The following CELF4 variants were observed in gnomAD, a reference collection of about 807,000 sequenced individuals.
The protein encoded by CELF4 is CUG-BP- and ETR-3-like factor 4.
Under a neutral mutation model 59.9 loss-of-function variants are expected in CELF4, and 18 were observed. The observed-to-expected ratio is 0.30, with a 90% CI of 0.21 to 0.45. CELF4 has a LOEUF of 0.45. Among genes scored for constraint, CELF4 ranks in the 20% least tolerant of loss-of-function variants. The pLI is 1.00. For missense variants in CELF4, 456 were observed against 689.0 expected (o/e 0.66, Z 3.79); for synonymous variants, 261 against 267.1 (o/e 0.98, Z 0.22).
chr18:37,264,003 G>A (rs2076202697), intron 10 of CELF4, among the ~76,000 whole-genome samples: 1 of 152,066 alleles, frequency 6.6e-6, no homozygotes, highest in African/African-American at 2.4e-5. Flanking sequence ...CCTCCTCTGG[G>A]GCTTCCCTTC....
intron 2 of CELF4, among the ~76,000 whole-genome samples, chr18:37,409,041 G>A (rs187578207): frequency 6.6e-6 from 1 of 152,354 alleles, no homozygotes; most frequent in East Asian, 1.9e-4. Context: ...GGCTCAGGGT[G>A]TGGGGGCAGG....
intron 2 of CELF4, among the ~76,000 whole-genome samples, chr18:37,355,061 G>A (rs1204982674): frequency 1.3e-5 from 2 of 152,220 alleles, no homozygotes; most frequent in Non-Finnish European, 1.5e-5. Flanking sequence ...ATGTGTACAC[G>A]CATGTGCATT....
At chr18:37,277,644 C>A (rs2093541979) in intron 3 of CELF4, among the ~76,000 whole-genome samples, 1 of 152,056 alleles carries the variant, frequency 6.6e-6, no homozygotes, top group Non-Finnish European at 1.5e-5. Context: ...GACTAGGGAG[C>A]CATTATGTTT....
chr18:37,519,298 G>A (rs1379354726), intron 1 of CELF4, among the ~76,000 whole-genome samples: 1 of 152,132 alleles, frequency 6.6e-6, no homozygotes, highest in Non-Finnish European at 1.5e-5. Flanking sequence ...CCAGCCAGGT[G>A]GGTGGTGGTA....
chr18:37,350,080 T>C (rs1414793390), intron 2 of CELF4, among the ~76,000 whole-genome samples: 2 of 152,162 alleles, frequency 1.3e-5, no homozygotes, highest in South Asian at 2.1e-4. Flanking sequence ...GAGAGGGACA[T>C]GCCTGGGACA....
chr18:37,356,100 G>A (rs2098558490), intron 2 of CELF4, among the ~76,000 whole-genome samples: 1 of 152,128 alleles, frequency 6.6e-6, no homozygotes, highest in South Asian at 2.1e-4. Context: ...TTCTGATTCA[G>A]GTGACAGTCC....
chr18:37,560,796 G>A (rs1479134612), intron 1 of CELF4, among the ~76,000 whole-genome samples: 1 of 152,100 alleles, frequency 6.6e-6, no homozygotes, highest in Non-Finnish European at 1.5e-5. Flanking sequence ...TCTACAGCAG[G>A]AAAAAAACAC....
At chr18:37,448,546 G>T (rs563445544) in intron 2 of CELF4, among the ~76,000 whole-genome samples, 2 of 152,334 alleles carry the variant, frequency 1.3e-5, no homozygotes, top group East Asian at 3.9e-4. Flanking sequence ...GACTGGCTGG[G>T]GATGGGGAGT....
chr18:37,547,208 G>A (rs989748981), intron 1 of CELF4, among the ~76,000 whole-genome samples: 2 of 132,816 alleles, frequency 1.5e-5, no homozygotes, highest in Admixed American at 8.4e-5. Flanking sequence ...TAATACAGCT[G>A]AGCAGGGCCA....
At chr18:37,384,703 C>A (rs2099080101) in intron 2 of CELF4, among the ~76,000 whole-genome samples, 1 of 152,162 alleles carries the variant, frequency 6.6e-6, no homozygotes. Context: ...TGGGGAACAT[C>A]ACGGGTCACT....
intron 3 of CELF4, chr18:37,305,468 G>T (rs982726176): frequency 1.3e-5 from 2 of 152,262 alleles, no homozygotes; most frequent in African/African-American, 4.8e-5. Flanking sequence ...AGGCAGGCAG[G>T]TTCCTCTGTC....
intron 1 of CELF4, among the ~76,000 whole-genome samples, chr18:37,522,975 G>A (rs2099959314): frequency 1.3e-5 from 2 of 152,124 alleles, no homozygotes; most frequent in Non-Finnish European, 2.9e-5. Flanking sequence ...AGAGCCACGG[G>A]GCCATATTCT....
chr18:37,523,291 C>T (rs1487687517), intron 1 of CELF4, among the ~76,000 whole-genome samples: 1 of 152,166 alleles, frequency 6.6e-6, no homozygotes, highest in East Asian at 1.9e-4. Flanking sequence ...TTCTCATGCT[C>T]CCCCAGGTCT....
intron 5 of CELF4, 22 bp downstream of exon 5, chr18:37,274,783 G>A (rs376106133): frequency 4.6e-5 from 72 of 1,559,838 alleles, no homozygotes; most frequent in Admixed American, 9.4e-5. Context: ...CCTCGCCCCC[G>A]CCCCAAGGGG....
At chr18:37,565,284 C>G in intron 1 of CELF4, 72 bp downstream of exon 1, 1 of 1,449,310 alleles carries the variant, frequency 6.9e-7, no homozygotes, top group Non-Finnish European at 9.2e-7. Context: ...GCTCGTCAGT[C>G]GCCGGCCGGC....
chr18:37,400,386 GCA>G (rs2099311846), intron 2 of CELF4, among the ~76,000 whole-genome samples: 2 of 152,110 alleles, frequency 1.3e-5, no homozygotes, highest in South Asian at 2.1e-4. Flanking sequence ...ATACACATGT[GCA>G]CACACACGTG....
At chr18:37,544,422 C>A (rs181879343) in intron 1 of CELF4, among the ~76,000 whole-genome samples, 1 of 152,298 alleles carries the variant, frequency 6.6e-6, no homozygotes, top group East Asian at 1.9e-4. Context: ...GCTTTCAAAG[C>A]CTCCACTCCC....
intron 2 of CELF4, among the ~76,000 whole-genome samples, chr18:37,476,121 T>C (rs542960357): frequency 2.0e-4 from 30 of 152,374 alleles, no homozygotes; most frequent in African/African-American, 6.0e-4. Flanking sequence ...ACTTGGATGA[T>C]TTCTAGCAAT....
intron 3 of CELF4, among the ~76,000 whole-genome samples, chr18:37,299,603 C>A (rs536452954): frequency 6.6e-6 from 1 of 152,208 alleles, no homozygotes; most frequent in Non-Finnish European, 1.5e-5. Flanking sequence ...CTGTCTCCTG[C>A]GGCGTGAGCA....
Sources: allele counts gnomAD v4.1 joint callset (sites outside exome capture counted in the v4.1 genomes callset), GRCh38; gene constraint gnomAD v4.1.1; transcripts MANE v1.5; gene names NCBI Gene and HGNC (gene_info 2026-07-23, HGNC 2026-07-21).